PDE4D: variants seen among roughly 807,000 people sequenced by gnomAD.
PDE4D encodes the protein 3',5'-cyclic-AMP phosphodiesterase 4D.
PDE4D carries 24 observed loss-of-function variants against 87.4 expected under a neutral mutation model. That is an observed-to-expected ratio of 0.27 (90% confidence interval 0.20 to 0.39). The LOEUF is 0.39. Among genes scored for constraint, PDE4D ranks in the 10% least tolerant of loss-of-function variants. The probability of loss-of-function intolerance (pLI) is 1.00; values close to 1 mark genes in which losing one functional copy is unlikely to be tolerated. For missense variants in PDE4D, 714 were observed against 1,041.0 expected (o/e 0.69, Z 4.32); for synonymous variants, 384 against 383.2 (o/e 1.00, Z -0.02).
intron 1 of PDE4D, among the ~76,000 whole-genome samples, chr5:60,331,138 T>A (rs1757278867): frequency 6.6e-6 from 1 of 152,186 alleles, no homozygotes; most frequent in East Asian, 1.9e-4. Flanking sequence ...AAAGCAAAGA[T>A]ACTGATCACA....
At chr5:59,713,449 C>G (rs1754508123) in intron 1 of PDE4D, among the ~76,000 whole-genome samples, 1 of 152,162 alleles carries the variant, frequency 6.6e-6, no homozygotes, top group Non-Finnish European at 1.5e-5. Context: ...GACACTGTAC[C>G]TATGGTTTGC....
At chr5:60,300,524 T>C (rs111833660) in intron 1 of PDE4D, among the ~76,000 whole-genome samples, 2 of 152,198 alleles carry the variant, frequency 1.3e-5, no homozygotes, top group African/African-American at 4.8e-5. Context: ...AGGGTTTTTA[T>C]GGTTTTGGGT....
chr5:60,456,814 G>A (rs932659408), intron 1 of PDE4D, among the ~76,000 whole-genome samples: 1 of 152,056 alleles, frequency 6.6e-6, no homozygotes, highest in South Asian at 2.1e-4. Context: ...ATCCTGACAC[G>A]CCCGAGTTAT....
chr5:59,564,508 A>C (rs945792978), intron 1 of PDE4D, among the ~76,000 whole-genome samples: 1 of 152,240 alleles, frequency 6.6e-6, no homozygotes, highest in East Asian at 1.9e-4. Flanking sequence ...AAAAATTAAG[A>C]GACACCCGGA....
At chr5:60,463,531 T>A (rs948413790) in intron 1 of PDE4D, among the ~76,000 whole-genome samples, 1 of 152,110 alleles carries the variant, frequency 6.6e-6, no homozygotes, top group Non-Finnish European at 1.5e-5. Context: ...AGAGACTGAA[T>A]CGGGAGGTCT....
intron 1 of PDE4D, among the ~76,000 whole-genome samples, chr5:60,504,786 C>T (rs1750252548): frequency 6.6e-6 from 1 of 152,058 alleles, no homozygotes; most frequent in South Asian, 2.1e-4. Context: ...TGGGGATATT[C>T]TTTTAAATGA....
intron 1 of PDE4D, among the ~76,000 whole-genome samples, chr5:59,767,217 T>G (rs891876975): frequency 6.6e-6 from 1 of 152,188 alleles, no homozygotes; most frequent in Non-Finnish European, 1.5e-5. Context: ...TGTAAAAAAT[T>G]ATTTAGTCAT....
intron 1 of PDE4D, among the ~76,000 whole-genome samples, chr5:59,405,423 T>A (rs1791437334): frequency 6.6e-6 from 1 of 152,232 alleles, no homozygotes; most frequent in South Asian, 2.1e-4. Context: ...TATGTTGAAT[T>A]TGTGTCTTGC....
At chr5:59,276,408 T>C (rs1764835857) in intron 1 of PDE4D, among the ~76,000 whole-genome samples, 1 of 152,166 alleles carries the variant, frequency 6.6e-6, no homozygotes, top group African/African-American at 2.4e-5. Flanking sequence ...AAAGTCATTC[T>C]TTCAAAAAAG....
rs149214927 is a variant in PDE4D at position 59,335,307 on chromosome 5, T to C, written c.456-119339A>G. Among the ~76,000 whole-genome samples, 571 of 152,134 alleles carry C rather than the reference T, an allele frequency of 3.8e-3. 2 individuals carry two copies. Among genetic ancestry groups the C allele is most frequent in the African/African-American group, 0.013 (546 of 41,496 alleles). The stretch of plus-strand genomic sequence containing the variant: ...CATGGGAACCAACTCCAAGAAGCAA[T>C]AGCAATAGGAGACTTCTGACAGTAA... On this transcript the variant is annotated intron_variant, in intron 1 of 14. Coordinates refer to ENST00000340635, the MANE Select transcript of PDE4D (RefSeq NM_001104631.2).
intron 1 of PDE4D, among the ~76,000 whole-genome samples, chr5:59,456,099 A>T (rs1279849863): frequency 1.3e-5 from 2 of 152,032 alleles, no homozygotes; most frequent in Non-Finnish European, 2.9e-5. Context: ...ACTTTGGGAG[A>T]CTGTTGGGGA....
chr5:59,492,316 T>C (rs944314473), intron 1 of PDE4D, among the ~76,000 whole-genome samples: 4 of 152,194 alleles, frequency 2.6e-5, no homozygotes, highest in African/African-American at 9.7e-5. Context: ...CAAGATTACC[T>C]ACTTATATTA....
At chr5:59,036,118 G>A (rs1352353244) in intron 6 of PDE4D, among the ~76,000 whole-genome samples, 1 of 152,182 alleles carries the variant, frequency 6.6e-6, no homozygotes, top group Non-Finnish European at 1.5e-5. Flanking sequence ...CTAAGAAACA[G>A]AAATAATGTG....
chr5:59,820,592 G>T (rs1012976734), intron 1 of PDE4D, among the ~76,000 whole-genome samples: 3 of 152,076 alleles, frequency 2.0e-5, no homozygotes, highest in African/African-American at 7.2e-5. Context: ...AGCAGTCGTG[G>T]GACTAGCTAA....
At position 60,264,100 on chromosome 5, in the gene PDE4D, C is replaced by T. The variant is rs1468760427; in HGVS notation, c.-89-78413G>A. Reference sequence around the variant, plus strand: ...CCCCAGAAACCAGATGTGAACTTAACTTTTTAAATGGTGAGACTTAGATTG... The same window carrying T: ...CCCCAGAAACCAGATGTGAACTTAATTTTTTAAATGGTGAGACTTAGATTG... On this transcript the variant is annotated intron_variant, in intron 1 of 16. Coordinates refer to the PDE4D transcript ENST00000502484. Among the ~76,000 whole-genome samples the T allele has an allele frequency of 6.6e-5, 10 of 151,958 alleles. No homozygotes were observed. The East Asian group carries it at 1.9e-3, about 29-fold the overall frequency.
intron 3 of PDE4D, among the ~76,000 whole-genome samples, chr5:59,982,145 C>T (rs1761990202): frequency 6.6e-6 from 1 of 152,092 alleles, no homozygotes; most frequent in Non-Finnish European, 1.5e-5. Context: ...TCTTCTTTTA[C>T]ATTCTTTTCA....
At chr5:59,132,476 G>A (rs1245709909) in intron 5 of PDE4D, among the ~76,000 whole-genome samples, 2 of 152,148 alleles carry the variant, frequency 1.3e-5, no homozygotes, top group Non-Finnish European at 2.9e-5. Context: ...CATGTAAATT[G>A]AAATAAAGAA....
At chr5:59,274,059 C>G (rs1206419983) in intron 1 of PDE4D, among the ~76,000 whole-genome samples, 1 of 151,930 alleles carries the variant, frequency 6.6e-6, no homozygotes, top group Non-Finnish European at 1.5e-5. Flanking sequence ...TCTGTTTACT[C>G]ATGTTGGTGA....
chr5:59,829,255 A>C (rs1561728841), intron 1 of PDE4D, among the ~76,000 whole-genome samples: 2 of 152,052 alleles, frequency 1.3e-5, no homozygotes, highest in Non-Finnish European at 2.9e-5. Flanking sequence ...TAGAATAGAT[A>C]CTTTTTTTGG....
Sources: gnomAD v4.1 joint callset for allele counts (sites outside exome capture counted in the v4.1 genomes callset) on GRCh38, gnomAD v4.1.1 for gene constraint, MANE v1.5 for transcripts, NCBI Gene and HGNC (gene_info 2026-07-23, HGNC 2026-07-21) for gene names.